The following SHISAL1 variants were observed in gnomAD, a reference collection of about 807,000 sequenced individuals.
SHISAL1 encodes protein shisa-like-1.
Under a neutral mutation model 22.6 loss-of-function variants are expected in SHISAL1, and 9 were observed. That is an observed-to-expected ratio of 0.40 (90% confidence interval 0.24 to 0.70). The LOEUF (loss-of-function observed/expected upper bound fraction) is 0.70. Ranked by LOEUF, SHISAL1 falls within the 30% of genes least tolerant of loss-of-function variation. The pLI is 0.39. For synonymous variants in SHISAL1, 119 were observed against 115.4 expected, an observed-to-expected ratio of 1.03 and a Z score of -0.20; for missense variants, 246 against 270.6, an observed-to-expected ratio of 0.91 and a Z score of 0.64.
At chr22:44,256,824 T>C (rs2055088074) in intron 4 of SHISAL1, among the ~76,000 whole-genome samples, 1 of 151,652 alleles carries the variant, frequency 6.6e-6, no homozygotes. Context: ...TCTACAGAAA[T>C]CAGGAAGCCT....
At chr22:44,300,514 C>A (rs1357311023) in intron 2 of SHISAL1, among the ~76,000 whole-genome samples, 2 of 152,232 alleles carry the variant, frequency 1.3e-5, no homozygotes, top group Non-Finnish European at 2.9e-5. Context: ...AGGTCCCTCT[C>A]CAAGCCTCAG....
chr22:44,330,088 A>T, the SHISAL1 span, among the ~76,000 whole-genome samples: 1 of 152,236 alleles, frequency 6.6e-6, no homozygotes, highest in Non-Finnish European at 1.5e-5. Flanking sequence ...CACTTTAGAC[A>T]ATGCCCAGAG....
chr22:44,329,556 G>T, the SHISAL1 span, among the ~76,000 whole-genome samples: 1 of 152,194 alleles, frequency 6.6e-6, no homozygotes, highest in East Asian at 1.9e-4. Flanking sequence ...GCAGCGTGAA[G>T]ATGACATTAA....
the SHISAL1 span, among the ~76,000 whole-genome samples, chr22:44,330,271 C>T: frequency 5.9e-5 from 9 of 152,322 alleles, no homozygotes; most frequent in East Asian, 1.9e-4. Flanking sequence ...GATGAGGAAA[C>T]GGGCTGGGAA....
rs984168234 is a variant in SHISAL1 at position 44,245,600 on chromosome 22, G to C, written c.*4085C>G. 1 of 152,398 alleles carries C rather than the reference G, an allele frequency of 6.6e-6. No individual in the cohort carries two copies. Among genetic ancestry groups the C allele is most frequent in the African/African-American group, 2.4e-5 (1 of 41,454 alleles). 9.4% of individuals were successfully genotyped at this position (152,398 alleles called of 1,614,324 possible). On this transcript the variant is annotated 3_prime_UTR_variant, in exon 5 of 5. Transcript: ENST00000381176. ...AGACATGGTGATTGTGAAAGCAGCCGAGCCAGCGGAGGGGCCTGCCTGGGG... is the reference window on the plus strand; with the variant it reads ...AGACATGGTGATTGTGAAAGCAGCCCAGCCAGCGGAGGGGCCTGCCTGGGG...
At chr22:44,262,779 T>C (rs1249408291) in intron 4 of SHISAL1, among the ~76,000 whole-genome samples, 1 of 151,826 alleles carries the variant, frequency 6.6e-6, no homozygotes, top group African/African-American at 2.4e-5. Context: ...GCCCACGGGG[T>C]GAGGAGGGTC....
At chr22:44,256,216 G>A (rs2055083725) in intron 4 of SHISAL1, among the ~76,000 whole-genome samples, 1 of 150,296 alleles carries the variant, frequency 6.7e-6, no homozygotes, top group South Asian at 2.1e-4. Flanking sequence ...CAGCTCTCCT[G>A]GGTCTCAGGC....
At chr22:44,251,384 T>G (rs1013199230) in intron 4 of SHISAL1, among the ~76,000 whole-genome samples, 1 of 152,208 alleles carries the variant, frequency 6.6e-6, no homozygotes, top group Non-Finnish European at 1.5e-5. Flanking sequence ...CTTAAAAAAA[T>G]TATTAAGGAT....
At position 44,296,872 on chromosome 22, in the gene SHISAL1, A is replaced by G. The variant is rs780358633; in HGVS notation, c.81T>C (p.His27=). ...CTGTGTATGGTTCACAGACCCGGAA[A>G]TGTGCAGACAAGACTGGAAGACAGA... The part of the protein sequence containing the change: ...SLLFSAVLSA[H]FRVCEPYTDH... Residue 27 remains histidine (H), a synonymous_variant, in exon 3 of 5, where the codon CAT becomes CAC. Coordinates refer to ENST00000381176, the MANE Select transcript of SHISAL1 (RefSeq NM_001099294.2). 34 of 1,611,930 alleles carry G rather than the reference A, an allele frequency of 2.1e-5. No homozygotes were observed. In the African/African-American group the frequency reaches 4.5e-4, roughly 22 times the overall value.
intron 2 of SHISAL1, among the ~76,000 whole-genome samples, chr22:44,298,052 G>A (rs1191500401): frequency 6.6e-6 from 1 of 152,152 alleles, no homozygotes; most frequent in East Asian, 1.9e-4. Context: ...TCCGGCGGGG[G>A]GCATGAAATT....
At chr22:44,327,782 G>A in the SHISAL1 span, among the ~76,000 whole-genome samples, 350 of 152,264 alleles carry the variant, frequency 2.3e-3, 1 homozygote, top group African/African-American at 7.7e-3. Context: ...GTCCCCTGGT[G>A]TCCCCAGGAG....
At chr22:44,251,565 G>GACTT (rs1012730893) in intron 4 of SHISAL1, among the ~76,000 whole-genome samples, 56 of 152,312 alleles carry the variant, frequency 3.7e-4, no homozygotes, top group African/African-American at 1.3e-3. Context: ...GGTTTAATTG[G>GACTT]ACTTACAGTT....
chr22:44,265,417 C>A (rs1488033738), intron 4 of SHISAL1, among the ~76,000 whole-genome samples: 5 of 152,130 alleles, frequency 3.3e-5, no homozygotes, highest in Non-Finnish European at 7.3e-5. Context: ...ACACCCCCAG[C>A]CAACACCTGA....
At chr22:44,327,931 G>GAAAGAGCAGCTGGGCTGGGA in the SHISAL1 span, among the ~76,000 whole-genome samples, 4 of 152,142 alleles carry the variant, frequency 2.6e-5, no homozygotes, top group African/African-American at 7.2e-5. Context: ...AGTAACTTCT[G>GAAAGAGCAGCTGGGCTGGGA]AAAGAGCAGC....
At chr22:44,275,337 T>C (rs1207115902) in intron 4 of SHISAL1, among the ~76,000 whole-genome samples, 1 of 152,174 alleles carries the variant, frequency 6.6e-6, no homozygotes, top group Non-Finnish European at 1.5e-5. Flanking sequence ...CACACCAAGC[T>C]GGCACCATCA....
chr22:44,323,703 C>T, the SHISAL1 span, among the ~76,000 whole-genome samples: 3 of 152,212 alleles, frequency 2.0e-5, no homozygotes, highest in African/African-American at 4.8e-5. Context: ...ATCATCCCTT[C>T]ATTCTCAGCA....
At position 44,244,254 on chromosome 22, in the gene SHISAL1, A is replaced by G. The variant is rs1043669; in HGVS notation, c.*5431T>C. 7 of 152,140 alleles carry G rather than the reference A, an allele frequency of 4.6e-5. No individual in the cohort carries two copies. Among genetic ancestry groups the G allele is most frequent in the East Asian group, 1.9e-4 (1 of 5,190 alleles). 9.4% of individuals were successfully genotyped at this position (152,140 alleles called of 1,614,324 possible). The stretch of plus-strand genomic sequence containing the variant: ...CTGTGCTCAGGGTTGGCGCTGACCA[A>G]TGTGGGATCCTGCACATTTTGGAGG... On this transcript the variant is annotated 3_prime_UTR_variant, in exon 5 of 5. Coordinates refer to ENST00000381176, the MANE Select transcript of SHISAL1 (RefSeq NM_001099294.2).
the SHISAL1 span, among the ~76,000 whole-genome samples, chr22:44,322,101 G>A: frequency 6.6e-6 from 1 of 152,226 alleles, no homozygotes; most frequent in Non-Finnish European, 1.5e-5. Context: ...GAAGCCACCA[G>A]GTCCAAATCC....
upstream of SHISAL1, among the ~76,000 whole-genome samples, chr22:44,315,709 C>T (rs74335946): frequency 6.6e-6 from 1 of 152,196 alleles, no homozygotes; most frequent in Non-Finnish European, 1.5e-5. Context: ...TGGCGGGTCA[C>T]CTGCCTCGAG....
Sources: gnomAD v4.1 joint callset for allele counts (sites outside exome capture counted in the v4.1 genomes callset) on GRCh38, gnomAD v4.1.1 for gene constraint, MANE v1.5 for transcripts, NCBI Gene and HGNC (gene_info 2026-07-23, HGNC 2026-07-21) for gene names.